The following SUGCT variants were observed in gnomAD, a reference collection of about 807,000 sequenced individuals.
The protein encoded by SUGCT is succinyl-CoA:glutarate-CoA transferase, also known as succinyl-CoA:glutarate CoA-transferase.
A neutral mutation model predicts 55.0 loss-of-function variants in SUGCT; 41 were observed. The ratio of observed to expected loss-of-function variants is 0.74; its 90% CI spans 0.58 to 0.97. The LOEUF (loss-of-function observed/expected upper bound fraction) is 0.97. Ranked by LOEUF, SUGCT falls within the 50% of genes least tolerant of loss-of-function variation. The pLI is 0.00. For synonymous variants in SUGCT, 187 were observed against 200.4 expected (o/e 0.93, Z 0.56); for missense variants, 568 against 547.8 (o/e 1.04, Z -0.37).
chr7:40,422,209 G>T (rs1271214104), intron 9 of SUGCT, among the ~76,000 whole-genome samples: 2 of 151,754 alleles, frequency 1.3e-5, no homozygotes, highest in Non-Finnish European at 2.9e-5. Context: ...GAATTCTGTT[G>T]TGTGGTCCTG....
chr7:40,590,541 C>G (rs1797657160), intron 12 of SUGCT, among the ~76,000 whole-genome samples: 2 of 152,136 alleles, frequency 1.3e-5, no homozygotes, highest in South Asian at 4.1e-4. Context: ...AGCAAGTTAT[C>G]CAGAAGATCT....
the SUGCT span, among the ~76,000 whole-genome samples, chr7:40,975,263 G>A: frequency 1.3e-5 from 2 of 152,172 alleles, no homozygotes; most frequent in South Asian, 4.1e-4. Flanking sequence ...GGGTTTGGAA[G>A]CGGAAATCTC....
intron 12 of SUGCT, among the ~76,000 whole-genome samples, chr7:40,542,581 C>A (rs1374421352): frequency 1.3e-5 from 2 of 152,130 alleles, no homozygotes; most frequent in Non-Finnish European, 1.5e-5. Context: ...ATTATAAAGG[C>A]CTGCCTATAT....
intron 1 of SUGCT, among the ~76,000 whole-genome samples, chr7:40,166,094 C>G (rs750092704): frequency 6.6e-6 from 1 of 152,142 alleles, no homozygotes; most frequent in African/African-American, 2.4e-5. Flanking sequence ...TGCACTCCAG[C>G]CTGGGTGACA....
intron 7 of SUGCT, among the ~76,000 whole-genome samples, chr7:40,249,335 AT>A (rs1562612187): frequency 8.1e-6 from 1 of 124,110 alleles, no homozygotes; most frequent in Non-Finnish European, 1.7e-5. Flanking sequence ...ATATATATAT[AT>A]ATATATATAT....
chr7:40,628,829 C>T (rs1305632849), intron 12 of SUGCT, among the ~76,000 whole-genome samples: 2 of 151,988 alleles, frequency 1.3e-5, no homozygotes, highest in African/African-American at 4.8e-5. Context: ...CAACCTGTGC[C>T]TCCCGTGTTC....
At chr7:40,510,873 G>A (rs566684172) in intron 12 of SUGCT, among the ~76,000 whole-genome samples, 6 of 152,256 alleles carry the variant, frequency 3.9e-5, no homozygotes, top group African/African-American at 1.4e-4. Context: ...AGTAATAATT[G>A]TTGTGGGAAA....
intron 9 of SUGCT, among the ~76,000 whole-genome samples, chr7:40,353,842 T>G (rs1285201783): frequency 6.6e-6 from 1 of 152,196 alleles, no homozygotes; most frequent in Non-Finnish European, 1.5e-5. Context: ...CTGATAAAAT[T>G]GGATATACTG....
At chr7:40,584,141 G>T (rs991034041) in intron 12 of SUGCT, among the ~76,000 whole-genome samples, 1 of 152,158 alleles carries the variant, frequency 6.6e-6, no homozygotes, top group Admixed American at 6.6e-5. Context: ...ACAAAAGTCT[G>T]TATTATGTTT....
intron 9 of SUGCT, among the ~76,000 whole-genome samples, chr7:40,324,168 C>T (rs1036085335): frequency 6.6e-6 from 1 of 150,712 alleles, no homozygotes; most frequent in East Asian, 2.0e-4. Flanking sequence ...AAGGGCATTG[C>T]ATCTGCATTT....
At chr7:40,809,904 T>A (rs554253607) in intron 13 of SUGCT, among the ~76,000 whole-genome samples, 1 of 152,314 alleles carries the variant, frequency 6.6e-6, no homozygotes, top group African/African-American at 2.4e-5. Flanking sequence ...CTGACATTAA[T>A]TTGCCTAGCA....
intron 13 of SUGCT, among the ~76,000 whole-genome samples, chr7:40,802,057 T>C (rs955537676): frequency 1.3e-5 from 2 of 151,782 alleles, no homozygotes; most frequent in Non-Finnish European, 2.9e-5. Context: ...ACAGACTCTT[T>C]TTTTTCCTGA....
At chr7:40,666,304 C>T (rs1398694989) in intron 12 of SUGCT, among the ~76,000 whole-genome samples, 1 of 148,440 alleles carries the variant, frequency 6.7e-6, no homozygotes, top group African/African-American at 2.6e-5. Flanking sequence ...GAGCCACGAT[C>T]ACACCTTGCA....
intron 11 of SUGCT, among the ~76,000 whole-genome samples, chr7:40,466,900 G>A (rs1407110657): frequency 2.0e-5 from 3 of 152,080 alleles, no homozygotes; most frequent in Non-Finnish European, 4.4e-5. Flanking sequence ...ATCACAAAGA[G>A]GATTAAAAAC....
At chr7:40,265,625 G>C (rs994738313) in intron 7 of SUGCT, among the ~76,000 whole-genome samples, 1 of 151,728 alleles carries the variant, frequency 6.6e-6, no homozygotes, top group Non-Finnish European at 1.5e-5. Context: ...TTAATTTTGT[G>C]ATTTAAGAGA....
chr7:40,953,184 C>T, the SUGCT span, among the ~76,000 whole-genome samples: 2 of 152,150 alleles, frequency 1.3e-5, no homozygotes, highest in Non-Finnish European at 2.9e-5. Context: ...CTTCTCTTCT[C>T]GCTTCATTTC....
chr7:40,875,382 G>A, the SUGCT span, among the ~76,000 whole-genome samples: 3 of 152,130 alleles, frequency 2.0e-5, no homozygotes, highest in Non-Finnish European at 4.4e-5. Flanking sequence ...AGTTCAAAAG[G>A]TGGCAGAACA....
At chr7:40,483,118 C>T (rs1583798668) in intron 11 of SUGCT, among the ~76,000 whole-genome samples, 3 of 151,984 alleles carry the variant, frequency 2.0e-5, no homozygotes, top group South Asian at 4.2e-4. Context: ...AAATGCCGAC[C>T]AACAAATTCC....
intron 12 of SUGCT, among the ~76,000 whole-genome samples, chr7:40,636,067 A>G (rs955197669): frequency 3.3e-5 from 5 of 152,196 alleles, no homozygotes; most frequent in African/African-American, 1.2e-4. Context: ...TGGTATTCCA[A>G]ATCTCTATTG....
Sources: allele counts gnomAD v4.1 joint callset (sites outside exome capture counted in the v4.1 genomes callset), GRCh38; gene constraint gnomAD v4.1.1; transcripts MANE v1.5; gene names NCBI Gene and HGNC (gene_info 2026-07-23, HGNC 2026-07-21).